POU3F4: variants seen among roughly 807,000 people sequenced by gnomAD.
The protein encoded by POU3F4 is POU domain, class 3, transcription factor 4.
POU3F4 carries 2 observed loss-of-function variants against 15.2 expected under a neutral mutation model. The ratio of observed to expected loss-of-function variants is 0.13; its 90% CI spans 0.05 to 0.42. The LOEUF (loss-of-function observed/expected upper bound fraction) is 0.42. Ranked by LOEUF, POU3F4 falls within the 10% of genes least tolerant of loss-of-function variation. The pLI, the probability that POU3F4 is intolerant of heterozygous loss-of-function variation, is 0.99. For synonymous variants in POU3F4, 158 were observed against 133.3 expected, an observed-to-expected ratio of 1.19 and a Z score of -1.28; for missense variants, 220 against 297.0, an observed-to-expected ratio of 0.74 and a Z score of 1.91.
chrX:83,509,522 G>C lies in POU3F4; in HGVS notation c.*112G>C. On this transcript the variant is annotated 3_prime_UTR_variant, in exon 1 of 1. Transcript: ENST00000644024. ...TCTTTATTATTTTTCTCTCTCTCTC[G>C]TTCGCTCGCTCTCTCGTACTCTCTC... The C allele has an allele frequency of 9.7e-7, 1 of 1,036,105 alleles. No homozygotes were observed. Among genetic ancestry groups the C allele is most frequent in the African/African-American group, 1.9e-5 (1 of 52,783 alleles). The allele number at this position is 1,036,105 out of a possible 1,213,427, so 85.4% of individuals were successfully genotyped here.
chrX:83,510,499 GCTACCGCAGCA>G lies in POU3F4; in HGVS notation c.*1090_*1100del, dbSNP rs1165853402. 1 of 111,551 alleles carries G rather than the reference GCTACCGCAGCA, an allele frequency of 9.0e-6. No individual in the cohort carries two copies. The highest frequency in any genetic ancestry group is 1.9e-5 in the Non-Finnish European group (1 of 53,074). The allele number at this position is 111,551 out of a possible 1,213,427, so 9.2% of individuals were successfully genotyped here. On this transcript the variant is annotated 3_prime_UTR_variant, in exon 1 of 1. Coordinates refer to ENST00000644024, the MANE Select transcript of POU3F4 (RefSeq NM_000307.5). ...TCCTGGAAGTGTGGAGCCCGCGCAGGCTACCGCAGCATAGATCGAGGTATCTGAGAAGGATT... is the reference window on the plus strand; with the variant it reads ...TCCTGGAAGTGTGGAGCCCGCGCAGGTAGATCGAGGTATCTGAGAAGGATT...
In POU3F4 at chrX:83,508,438, C is replaced by T. The variant is rs769490882; in HGVS notation, c.114C>T (p.Leu38=). 2 of 1,211,425 alleles carry T rather than the reference C, an allele frequency of 1.7e-6. No individual in the cohort carries two copies. The highest frequency in any genetic ancestry group is 4.3e-5 in the Admixed American group (2 of 46,032). The change falls in exon 1 of 1, where the codon CTC becomes CTT. Residue 38 remains leucine (L), a synonymous_variant. Coordinates refer to ENST00000644024, the MANE Select transcript of POU3F4 (RefSeq NM_000307.5). ...GSPFRNPQKL[L]QSDYLQGVPS... ...CTTTCCGCAACCCTCAGAAACTTCT[C>T]CAAAGTGATTACTTGCAGGGAGTTC...
In POU3F4 at chrX:83,509,604, C is replaced by T. The variant is rs1285035122; in HGVS notation, c.*194C>T. The T allele has an allele frequency of 1.9e-6, 1 of 539,941 alleles. No homozygotes were observed. Among genetic ancestry groups the T allele is most frequent in the Non-Finnish European group, 2.9e-6 (1 of 347,509 alleles). 44.5% of individuals were successfully genotyped at this position (539,941 alleles called of 1,213,427 possible). On this transcript the variant is annotated 3_prime_UTR_variant, in exon 1 of 1. Coordinates refer to ENST00000644024, the MANE Select transcript of POU3F4 (RefSeq NM_000307.5). ...CCCCTTTTTCTTTCCCTTCTTTTTC[C>T]CTTTCCTTTCCTTTCATTTTCTTTC...
rs777417263 is a variant in POU3F4, at chrX:83,511,744, C to T, written c.*2334C>T. On this transcript the variant is annotated 3_prime_UTR_variant, in exon 1 of 1. Transcript: ENST00000644024. ...TGCAGTTAATTGCTATGGTTCGAACCTGAGTTAACCCAAATATTTCTGCCG... is the reference window on the plus strand; with the variant it reads ...TGCAGTTAATTGCTATGGTTCGAACTTGAGTTAACCCAAATATTTCTGCCG... 2.5e-4 allele frequency: 28 copies of T among 111,600 alleles called. No homozygotes were observed. The highest frequency in any genetic ancestry group is 4.9e-4 in the Non-Finnish European group (26 of 53,178). The allele number at this position is 111,600 out of a possible 1,213,427, so 9.2% of individuals were successfully genotyped here.
chrX:83,508,303 T>C lies in POU3F4; in HGVS notation c.-22T>C, dbSNP rs1925821976. 8.3e-7 allele frequency: 1 copy of C among 1,211,822 alleles called. No individual in the cohort carries two copies. Among genetic ancestry groups the C allele is most frequent in the Non-Finnish European group, 1.1e-6 (1 of 895,479 alleles). The stretch of plus-strand genomic sequence containing the variant: ...GCTGCTCCCTTTGCCACATTATAAC[T>C]AGTAGGGGATCCTCACCGACCATGG... On this transcript the variant is annotated 5_prime_UTR_variant, in exon 1 of 1. Coordinates refer to ENST00000644024, the MANE Select transcript of POU3F4 (RefSeq NM_000307.5).
rs1555984638 is a variant in POU3F4, at chrX:83,509,337, C to T, written c.1013C>T (p.Pro338Leu). The T allele has an allele frequency of 8.3e-7, 1 of 1,210,117 alleles. No homozygotes were observed. The highest frequency in any genetic ancestry group is 1.1e-6 in the Non-Finnish European group (1 of 894,530). ...AGACAAAAAGAGAAAAGAATGACTCCGCCAGGGGATCAGCAGCCGCATGAG... is the reference window on the plus strand; with the variant it reads ...AGACAAAAAGAGAAAAGAATGACTCTGCCAGGGGATCAGCAGCCGCATGAG... Reference protein sequence around the residue: ...NRRQKEKRMTPPGDQQPHEVY... With the variant: ...NRRQKEKRMTLPGDQQPHEVY... The change falls in exon 1 of 1, where the codon CCG (proline) becomes CTG (leucine). Residue 338 changes from proline (P) to leucine (L), a missense_variant. Transcript: ENST00000644024.
At position 83,508,852 on chromosome X, in the gene POU3F4, C is replaced by T; in HGVS notation, c.528C>T (p.Gly176=). ...LREPPDHGEL[G]SHHCQDHSDE... The stretch of plus-strand genomic sequence containing the variant: ...AGCCCCCGGATCACGGCGAACTGGG[C>T]TCGCACCATTGCCAGGATCACTCCG... The change falls in exon 1 of 1, where the codon GGC becomes GGT. Residue 176 remains glycine, a synonymous_variant. Transcript: ENST00000644024. The T allele has an allele frequency of 1.7e-6, 2 of 1,210,285 alleles. No individual in the cohort carries two copies. Among genetic ancestry groups the T allele is most frequent in the Non-Finnish European group, 2.2e-6 (2 of 894,563 alleles).
At position 83,508,384 on chromosome X, in the gene POU3F4, G is replaced by A; in HGVS notation, c.60G>A (p.Ala20=). ...TCAGTTCCACCTCCCTAGTCCATGC[G>A]GACTCTGCGGGCATGCAGCAGGGGA... ...SILSSTSLVH[A]DSAGMQQGSP... Residue 20 remains alanine, a synonymous_variant, in exon 1 of 1, where the codon GCG becomes GCA. Coordinates refer to ENST00000644024, the MANE Select transcript of POU3F4 (RefSeq NM_000307.5). 2 of 1,211,957 alleles carry A rather than the reference G, an allele frequency of 1.7e-6. No individual in the cohort carries two copies. Among genetic ancestry groups the A allele is most frequent in the Non-Finnish European group, 2.2e-6 (2 of 895,484 alleles).
At position 83,508,460 on chromosome X, in the gene POU3F4, G is replaced by A. The variant is rs1242777053; in HGVS notation, c.136G>A (p.Val46Ile). 2.5e-6 allele frequency: 3 copies of A among 1,210,279 alleles called. No homozygotes were observed. Among genetic ancestry groups the A allele is most frequent in the Admixed American group, 4.4e-5 (2 of 45,935 alleles). The change falls in exon 1 of 1, where the codon GTT becomes ATT. Residue 46 changes from valine (V) to isoleucine (I), a missense_variant. By Grantham distance (29) the Val-to-Ile change is conservative (BLOSUM62 3). Around this residue, in one of 5 missense-constraint regions of POU3F4, gnomAD observed 161 missense variants for 154.1 expected, o/e 1.05. Transcript: ENST00000644024. ...KLLQSDYLQG[V>I]PSNGHPLGHH... ...TCTCCAAAGTGATTACTTGCAGGGA[G>A]TTCCCAGCAATGGGCATCCCCTCGG...
In POU3F4 at chrX:83,509,521, C is replaced by G; in HGVS notation, c.*111C>G. On this transcript the variant is annotated 3_prime_UTR_variant, in exon 1 of 1. Transcript: ENST00000644024. ...TTCTTTATTATTTTTCTCTCTCTCTCGTTCGCTCGCTCTCTCGTACTCTCT... is the reference window on the plus strand; with the variant it reads ...TTCTTTATTATTTTTCTCTCTCTCTGGTTCGCTCGCTCTCTCGTACTCTCT... 9.6e-7 allele frequency: 1 copy of G among 1,038,835 alleles called. No homozygotes were observed. The highest frequency in any genetic ancestry group is 1.3e-6 in the Non-Finnish European group (1 of 762,708). The allele number at this position is 1,038,835 out of a possible 1,213,427, so 85.6% of individuals were successfully genotyped here. A position where few individuals can be genotyped will look rare whatever the true frequency, so the allele number is the denominator to read the frequency against.
rs1312891216 is a variant in POU3F4, at chrX:83,511,142, G to A, written c.*1732G>A. ...TGTGTGTGTGCGTGCGCGTGCAAAC[G>A]TGTGTGTGTAGATAGCTGTGTGTAT... On this transcript the variant is annotated 3_prime_UTR_variant, in exon 1 of 1. Coordinates refer to ENST00000644024, the MANE Select transcript of POU3F4 (RefSeq NM_000307.5). 9.4e-6 allele frequency: 1 copy of A among 106,257 alleles called. No homozygotes were observed. The highest frequency in any genetic ancestry group is 3.4e-5 in the African/African-American group (1 of 29,053). The allele number at this position is 106,257 out of a possible 1,213,427, so 8.8% of individuals were successfully genotyped here.
At position 83,511,207 on chromosome X, in the gene POU3F4, A is replaced by T. The variant is rs2147997879; in HGVS notation, c.*1797A>T. 9.1e-6 allele frequency: 1 copy of T among 109,538 alleles called. No individual in the cohort carries two copies. Among genetic ancestry groups the T allele is most frequent in the East Asian group, 2.8e-4 (1 of 3,517 alleles). 9.0% of individuals were successfully genotyped at this position (109,538 alleles called of 1,213,427 possible). On this transcript the variant is annotated 3_prime_UTR_variant, in exon 1 of 1. Transcript: ENST00000644024. ...CAAAAACAAAAAGTACAAAAAAAAA[A>T]AAAAACCTGGCTAGGCTGTGTAGAG...
Position 83,509,179 on chromosome X carries a change from C to T in POU3F4, c.855C>T (p.Ile285=). Reference sequence around the variant, plus strand: ...GCAAGCGCAAGAAGCGGACCTCCATCGAGGTGAGTGTCAAGGGCGTACTGG... The same window carrying T: ...GCAAGCGCAAGAAGCGGACCTCCATTGAGGTGAGTGTCAAGGGCGTACTGG... The part of the protein sequence containing the change: ...QGRKRKKRTS[I]EVSVKGVLET... Residue 285 remains isoleucine, a synonymous_variant, in exon 1 of 1, where the codon ATC becomes ATT. Transcript: ENST00000644024. 1 of 1,211,445 alleles carries T rather than the reference C, an allele frequency of 8.3e-7. No individual in the cohort carries two copies.
In POU3F4 at chrX:83,508,539, C is replaced by A. The variant is rs778214819; in HGVS notation, c.215C>A (p.Ala72Asp). ...SDGGPWSSTL[A>D]TSPLDQQDVK... is the part of the protein sequence containing the mutation. Reference sequence around the variant, plus strand: ...GGGGGCCCATGGTCCTCCACACTGGCCACCAGCCCCCTGGACCAGCAGGAC... The same window carrying A: ...GGGGGCCCATGGTCCTCCACACTGGACACCAGCCCCCTGGACCAGCAGGAC... The change falls in exon 1 of 1, where the codon GCC (alanine) becomes GAC (aspartate). Residue 72 changes from alanine (A) to aspartate (D), a missense_variant. Physicochemically the swap from Ala to Asp is moderately radical, Grantham distance 126 (BLOSUM62 -2). Transcript: ENST00000644024. 1 of 1,202,022 alleles carries A rather than the reference C, an allele frequency of 8.3e-7. No homozygotes were observed. The highest frequency in any genetic ancestry group is 1.1e-6 in the Non-Finnish European group (1 of 890,856).
chrX:83,509,392 A>G lies in POU3F4; in HGVS notation c.1068A>G (p.Thr356=). The change falls in exon 1 of 1, where the codon ACA becomes ACG. Residue 356 remains threonine (T), a synonymous_variant. Transcript: ENST00000644024. The stretch of plus-strand genomic sequence containing the variant: ...ATTCGCACACCGTGAAAACAGACAC[A>G]TCTTGCCATGATCTCTGACTGGAGG... The part of the protein sequence containing the change: ...EVYSHTVKTD[T]SCHDL 2.5e-6 allele frequency: 3 copies of G among 1,202,910 alleles called. No individual in the cohort carries two copies. Among genetic ancestry groups the G allele is most frequent in the Non-Finnish European group, 3.4e-6 (3 of 890,764 alleles).
chrX:83,508,894 C>A lies in POU3F4; in HGVS notation c.570C>A (p.Thr190=). 1 of 1,212,032 alleles carries A rather than the reference C, an allele frequency of 8.3e-7. No homozygotes were observed. Among genetic ancestry groups the A allele is most frequent in the Non-Finnish European group, 1.1e-6 (1 of 895,530 alleles). ...ATCACTCCGACGAGGAGACGCCAAC[C>A]TCTGATGAGTTGGAACAGTTCGCCA... The part of the protein sequence containing the change: ...CQDHSDEETP[T]SDELEQFAKQ... Residue 190 remains threonine, a synonymous_variant, in exon 1 of 1, where the codon ACC becomes ACA. Transcript: ENST00000644024.
rs1925850245 is a variant in POU3F4 at position 83,509,196 on chromosome X, G to A, written c.872G>A (p.Gly291Asp). 8.3e-7 allele frequency: 1 copy of A among 1,210,289 alleles called. No individual in the cohort carries two copies. The highest frequency in any genetic ancestry group is 1.7e-5 in the African/African-American group (1 of 57,340). ...KRTSIEVSVK[G>D]VLETHFLKCP... ...ACCTCCATCGAGGTGAGTGTCAAGG[G>A]CGTACTGGAGACGCATTTCCTCAAG... Residue 291 changes from glycine (G) to aspartate (D), a missense_variant, in exon 1 of 1, where the codon GGC (glycine) becomes GAC (aspartate). By Grantham distance (94) the Gly-to-Asp change is moderately conservative. This residue lies in a region of POU3F4 where 25 missense variants were observed against 36.7 expected (regional missense o/e 0.68). Transcript: ENST00000644024.
rs1925852087 is a variant in POU3F4 at position 83,509,254 on chromosome X, G to T, written c.930G>T (p.Ser310=). The T allele has an allele frequency of 8.3e-7, 1 of 1,211,885 alleles. No homozygotes were observed. The highest frequency in any genetic ancestry group is 3.0e-5 in the East Asian group (1 of 33,810). The change falls in exon 1 of 1, where the codon TCG becomes TCT. Residue 310 remains serine (S), a synonymous_variant. Coordinates refer to ENST00000644024, the MANE Select transcript of POU3F4 (RefSeq NM_000307.5). The stretch of plus-strand genomic sequence containing the variant: ...AGCCTGCCGCGCAGGAGATCTCCTC[G>T]CTGGCAGACAGCCTCCAGTTGGAGA... ...CPKPAAQEIS[S]LADSLQLEKE... is the part of the protein sequence containing the mutation.
chrX:83,508,717 C>A lies in POU3F4; in HGVS notation c.393C>A (p.Leu131=). The change falls in exon 1 of 1, where the codon CTC becomes CTA. Residue 131 remains leucine, a synonymous_variant. Coordinates refer to ENST00000644024, the MANE Select transcript of POU3F4 (RefSeq NM_000307.5). Reference sequence around the variant, plus strand: ...CTATCACGTCAAGCGGCCAACCCCTCAACGTGTACTCGCAGCCTGGCTTCA... The same window carrying A: ...CTATCACGTCAAGCGGCCAACCCCTAAACGTGTACTCGCAGCCTGGCTTCA... ...NPSITSSGQP[L]NVYSQPGFTV... is the part of the protein sequence containing the mutation. The A allele has an allele frequency of 8.3e-7, 1 of 1,211,095 alleles. No homozygotes were observed. Among genetic ancestry groups the A allele is most frequent in the Non-Finnish European group, 1.1e-6 (1 of 895,086 alleles).
Sources: allele counts gnomAD v4.1 joint callset, GRCh38; gene constraint gnomAD v4.1.1; regional missense constraint gnomAD v4.1.1; transcripts MANE v1.5; gene names NCBI Gene and HGNC (gene_info 2026-07-23, HGNC 2026-07-21).